Variants in CILK1 observed in about 807,000 individuals in gnomAD.
CILK1 encodes the protein ciliogenesis associated kinase 1, also known as serine/threonine-protein kinase ICK.
CILK1 carries 47 observed loss-of-function variants against 79.2 expected under a neutral mutation model. That is an observed-to-expected ratio of 0.59 (90% CI 0.47 to 0.76). The LOEUF is 0.76. Ranked by LOEUF, CILK1 falls within the 30% of genes least tolerant of loss-of-function variation. The pLI is 0.00. For synonymous variants in CILK1, 266 were observed against 275.9 expected (o/e 0.96, Z 0.36); for missense variants, 660 against 769.5 (o/e 0.86, Z 1.68).
chr6:53,037,274 AAGG>A (rs1355465625), intron 3 of CILK1, among the ~76,000 whole-genome samples: 2 of 151,990 alleles, frequency 1.3e-5, no homozygotes, highest in African/African-American at 4.8e-5. Flanking sequence ...GGCAGGGGGA[AAGG>A]AGGAGAATAA....
chr6:53,018,254 T>G, intron 7 of CILK1, 76 bp downstream of exon 7: 1 of 1,412,766 alleles, frequency 7.1e-7, no homozygotes, highest in Non-Finnish European at 1.0e-6. Flanking sequence ...ATCATGCCAG[T>G]GCTGAACAGG....
chr6:53,031,663 A>G (rs1273078391), intron 4 of CILK1, among the ~76,000 whole-genome samples: 2 of 152,162 alleles, frequency 1.3e-5, no homozygotes, highest in Admixed American at 6.5e-5. Context: ...GCATGCAATT[A>G]CCTGAGTACT....
chr6:53,019,118 T>G lies in CILK1; in HGVS notation c.491+109A>C. ...TATAAATATATGTTTCAGACTGCAC[T>G]GTTTCTCTTAGTGAAAAGTTAACAT... On this transcript the variant is annotated intron_variant, in intron 6 of 13. Coordinates refer to ENST00000676107, the MANE Select transcript of CILK1 (RefSeq NM_014920.5). The G allele has an allele frequency of 8.7e-6, 9 of 1,039,728 alleles. No individual in the cohort carries two copies. In the South Asian group the frequency reaches 1.1e-4, roughly 12 times the overall value. The allele number at this position is 1,039,728 out of a possible 1,614,324, so 64.4% of individuals were successfully genotyped here.
chr6:53,010,786 T>C (rs1414479769), intron 11 of CILK1, among the ~76,000 whole-genome samples: 1 of 152,210 alleles, frequency 6.6e-6, no homozygotes, highest in Non-Finnish European at 1.5e-5. Context: ...AATCTGTGAT[T>C]ACTATTTGTC....
chr6:53,024,466 G>C lies in CILK1; in HGVS notation c.359-5107C>G, dbSNP rs551897592. On this transcript the variant is annotated intron_variant, in intron 5 of 13. Transcript: ENST00000676107. ...TAGCATAACTGAGTCATTGTGTTTG[G>C]ACCCTCTGTTCTTCAGAGCACCCTC... Among the ~76,000 whole-genome samples the C allele has an allele frequency of 5.3e-5, 8 of 152,276 alleles. No homozygotes were observed. The East Asian group carries it at 1.5e-3, about 29-fold the overall frequency.
chr6:53,012,885 A>G (rs933538743), intron 9 of CILK1, among the ~76,000 whole-genome samples: 3 of 152,180 alleles, frequency 2.0e-5, no homozygotes, highest in Non-Finnish European at 4.4e-5. Context: ...AAAGCTAATA[A>G]AAAATAGAAC....
rs561840090 is a variant in CILK1 at position 53,014,826 on chromosome 6, C to T, written c.832-844G>A. ...GATTTGGGGGGTATTTTTAGCTTTTCACACTATTCTTAAAAGCATACATTC... is the reference window on the plus strand; with the variant it reads ...GATTTGGGGGGTATTTTTAGCTTTTTACACTATTCTTAAAAGCATACATTC... On this transcript the variant is annotated intron_variant, in intron 8 of 13. Coordinates refer to ENST00000676107, the MANE Select transcript of CILK1 (RefSeq NM_014920.5). 9.8e-4 allele frequency among the ~76,000 whole-genome samples: 150 copies of T among 152,310 alleles called. 3 individuals carry two copies. In the South Asian group the frequency reaches 0.031, roughly 31 times the overall value.
chr6:53,038,701 A>C (rs1766512406), intron 2 of CILK1, among the ~76,000 whole-genome samples: 1 of 152,256 alleles, frequency 6.6e-6, no homozygotes, highest in Admixed American at 6.5e-5. Flanking sequence ...ATTGGAACAC[A>C]ACCATACTCA....
intron 1 of CILK1, among the ~76,000 whole-genome samples, chr6:53,054,085 T>C (rs1221939679): frequency 2.0e-5 from 3 of 152,176 alleles, no homozygotes; most frequent in African/African-American, 2.4e-5. Context: ...CCCTGTATGC[T>C]ACACACCTTT....
intron 6 of CILK1, among the ~76,000 whole-genome samples, 184 bp from the exon 7 acceptor site, chr6:53,018,685 A>G (rs957380872): frequency 2.6e-5 from 4 of 152,242 alleles, no homozygotes; most frequent in Non-Finnish European, 4.4e-5. Context: ...GTGCTTCTCT[A>G]GTTCACAATA....
intron 1 of CILK1, among the ~76,000 whole-genome samples, chr6:53,056,142 A>C (rs1481755331): frequency 6.6e-6 from 1 of 152,228 alleles, no homozygotes; most frequent in Non-Finnish European, 1.5e-5. Context: ...TTCTGGTTCT[A>C]ACGCATTATC....
At chr6:53,017,814 G>A (rs1345536923) in intron 7 of CILK1, among the ~76,000 whole-genome samples, 1 of 151,778 alleles carries the variant, frequency 6.6e-6, no homozygotes, top group Non-Finnish European at 1.5e-5. Flanking sequence ...AAGACAGAAG[G>A]TAAAGCTGAA....
intron 3 of CILK1, among the ~76,000 whole-genome samples, chr6:53,033,774 C>G (rs780380482): frequency 6.6e-6 from 1 of 152,076 alleles, no homozygotes; most frequent in Non-Finnish European, 1.5e-5. Context: ...TGATAAAGTA[C>G]CCAGGGTTCA....
At chr6:53,044,149 C>A (rs568296552) in intron 1 of CILK1, among the ~76,000 whole-genome samples, 2 of 152,276 alleles carry the variant, frequency 1.3e-5, no homozygotes, top group East Asian at 3.9e-4. Context: ...TCCCCAAACC[C>A]AGGGCTGTAA....
In CILK1 at chr6:53,041,763, G is replaced by C. The variant is rs374826796; in HGVS notation, c.-172-355C>G. 7.9e-5 allele frequency among the ~76,000 whole-genome samples: 12 copies of C among 152,308 alleles called. No individual in the cohort carries two copies. The East Asian group carries it at 1.7e-3, about 22-fold the overall frequency. The stretch of plus-strand genomic sequence containing the variant: ...GGCATGTCTACACTGTCTCAGGCTT[G>C]AGTGAGTGTAGGGTGGGTGTGTGAA... On this transcript the variant is annotated intron_variant, in intron 1 of 13. Transcript: ENST00000676107.
At chr6:53,034,265 G>A (rs759147904) in intron 3 of CILK1, among the ~76,000 whole-genome samples, 3 of 152,200 alleles carry the variant, frequency 2.0e-5, no homozygotes, top group Non-Finnish European at 4.4e-5. Flanking sequence ...CCTGAAGTGT[G>A]TTTGGAGCCA....
chr6:53,055,700 A>G (rs1767805172), intron 1 of CILK1, among the ~76,000 whole-genome samples: 2 of 152,180 alleles, frequency 1.3e-5, no homozygotes, highest in African/African-American at 4.8e-5. Context: ...CCTTAATCCC[A>G]TGAGAAGCTT....
At chr6:53,006,163 T>G in intron 13 of CILK1, 152 bp downstream of exon 13, 1 of 659,290 alleles carries the variant, frequency 1.5e-6, no homozygotes, top group Admixed American at 2.5e-5. Context: ...ACTTACTATA[T>G]GTTATATAGC....
intron 7 of CILK1, among the ~76,000 whole-genome samples, chr6:53,017,548 A>C (rs1764964543): frequency 6.6e-6 from 1 of 152,208 alleles, no homozygotes; most frequent in South Asian, 2.1e-4. Context: ...ATGGGGAGTC[A>C]ACCAATACTT....
Sources: allele counts gnomAD v4.1 joint callset (sites outside exome capture counted in the v4.1 genomes callset), GRCh38; gene constraint gnomAD v4.1.1; transcripts MANE v1.5; gene names NCBI Gene and HGNC (gene_info 2026-07-23, HGNC 2026-07-21).